Variants in XRCC6 observed in about 807,000 individuals in gnomAD.
XRCC6 encodes X-ray repair cross complementing 6, also known as DNA repair protein Ku70.
A neutral mutation model predicts 65.7 loss-of-function variants in XRCC6; 5 were observed. The ratio of observed to expected loss-of-function variants is 0.08; its 90% confidence interval spans 0.04 to 0.16. The LOEUF (loss-of-function observed/expected upper bound fraction) is 0.16. Among genes scored for constraint, XRCC6 ranks in the 10% least tolerant of loss-of-function variants. XRCC6 has a pLI of 1.00. For synonymous variants in XRCC6, 270 were observed against 270.6 expected (o/e 1.00, Z 0.02); for missense variants, 447 against 738.1 (o/e 0.61, Z 4.57).
At chr22:41,630,054 G>T (rs1365338131) in intron 3 of XRCC6, among the ~76,000 whole-genome samples, 1 of 149,242 alleles carries the variant, frequency 6.7e-6, no homozygotes, top group Non-Finnish European at 1.5e-5. Context: ...CACAATCTTG[G>T]CTCACTACAA....
intron 2 of XRCC6, among the ~76,000 whole-genome samples, chr22:41,626,194 G>C (rs997023124): frequency 6.6e-6 from 1 of 151,312 alleles, no homozygotes; most frequent in Non-Finnish European, 1.5e-5. Context: ...GCAGGCTGGA[G>C]TGCAGTGGCG....
At chr22:41,626,886 C>T (rs113547082) in intron 2 of XRCC6, among the ~76,000 whole-genome samples, 11 of 151,054 alleles carry the variant, frequency 7.3e-5, no homozygotes, top group South Asian at 4.2e-4. Context: ...GTGATCCGCG[C>T]GCCTCGGCCT....
rs578172023 is a variant in XRCC6 at position 41,657,615 on chromosome 22, G to C, written c.1421+583G>C. Among the ~76,000 whole-genome samples the C allele has an allele frequency of 2.0e-5, 3 of 151,118 alleles. No homozygotes were observed. In the Admixed American group the frequency reaches 2.0e-4, roughly 10 times the overall value. On this transcript the variant is annotated intron_variant, in intron 10 of 12. Transcript: ENST00000360079. ...TTCACTGCAGCCTTGACCTCCCTGG[G>C]CTCAGGTGATTCTCCCACCTCAGAC...
intron 12 of XRCC6, among the ~76,000 whole-genome samples, chr22:41,662,909 C>T (rs1431720988): frequency 3.3e-5 from 5 of 152,044 alleles, no homozygotes; most frequent in Admixed American, 6.6e-5. Flanking sequence ...AGTGAAACCT[C>T]GTCTGTACTA....
At chr22:41,652,748 T>C (rs903218520) in intron 8 of XRCC6, among the ~76,000 whole-genome samples, 4 of 152,128 alleles carry the variant, frequency 2.6e-5, no homozygotes, top group Non-Finnish European at 5.9e-5. Context: ...GTCTCTGCTC[T>C]CTGCAAGCTC....
chr22:41,637,748 C>T lies in XRCC6; in HGVS notation c.730C>T (p.Arg244Trp). 3.7e-6 allele frequency: 6 copies of T among 1,613,940 alleles called. No individual in the cohort carries two copies. The highest frequency in any genetic ancestry group is 5.1e-6 in the Non-Finnish European group (6 of 1,179,986). ...ATCCAGCAAGCTAGAAGACCTGTTG[C>T]GGAAGGTTCGCGCCAAGGAGACCAG... ...EESSKLEDLL[R>W]KVRAKETRKR... is the part of the protein sequence containing the mutation. Residue 244 changes from arginine to tryptophan, a missense_variant, in exon 6 of 13, where the codon CGG becomes TGG. Coordinates refer to ENST00000360079, the MANE Select transcript of XRCC6 (RefSeq NM_001469.5).
chr22:41,660,777 CCT>C (rs2068092357), intron 11 of XRCC6, among the ~76,000 whole-genome samples: 1 of 152,216 alleles, frequency 6.6e-6, no homozygotes, highest in African/African-American at 2.4e-5. Flanking sequence ...TTATCCACCT[CCT>C]CTCTCTCACT....
chr22:41,660,516 G>A (rs769011863), intron 11 of XRCC6, among the ~76,000 whole-genome samples: 1 of 152,060 alleles, frequency 6.6e-6, no homozygotes, highest in Non-Finnish European at 1.5e-5. Flanking sequence ...CCTCCATGCA[G>A]CTATCAGGGG....
intron 2 of XRCC6, among the ~76,000 whole-genome samples, chr22:41,625,332 T>C (rs1407074299): frequency 6.6e-6 from 1 of 152,072 alleles, no homozygotes; most frequent in East Asian, 1.9e-4. Context: ...TTAAACTTAT[T>C]AAGAAGCAGC....
intron 6 of XRCC6, among the ~76,000 whole-genome samples, chr22:41,646,662 A>G (rs1311094177): frequency 2.0e-5 from 3 of 152,208 alleles, no homozygotes; most frequent in Admixed American, 1.3e-4. Context: ...GCAAAGGGAT[A>G]CGCAACCTGT....
chr22:41,621,875 C>A, intron 1 of XRCC6, 115 bp from the exon 2 acceptor site: 2 of 960,246 alleles, frequency 2.1e-6, no homozygotes, highest in Non-Finnish European at 3.2e-6. Context: ...CAGGATTTAC[C>A]GTCCACATTC....
intron 2 of XRCC6, among the ~76,000 whole-genome samples, chr22:41,625,041 C>T: frequency 6.6e-6 from 1 of 152,162 alleles, no homozygotes; most frequent in East Asian, 1.9e-4. Context: ...CACGGTGGCT[C>T]ATGCCTGTAA....
intron 3 of XRCC6, among the ~76,000 whole-genome samples, chr22:41,632,894 C>T (rs1355313543): frequency 3.3e-5 from 5 of 151,150 alleles, no homozygotes; most frequent in East Asian, 1.9e-4. Flanking sequence ...TTTGGGAGGC[C>T]GAGGTGGGCG....
At chr22:41,636,881 G>T in intron 5 of XRCC6, 111 bp downstream of exon 5, 1 of 1,390,684 alleles carries the variant, frequency 7.2e-7, no homozygotes. Flanking sequence ...CCAAGTAGCT[G>T]GGACTATAAG....
intron 6 of XRCC6, among the ~76,000 whole-genome samples, chr22:41,640,210 G>T (rs539579683): frequency 5.9e-5 from 9 of 151,622 alleles, no homozygotes; most frequent in South Asian, 4.2e-4. Context: ...GTGCAGTGGC[G>T]TGATCTCAGC....
intron 12 of XRCC6, 129 bp from the exon 13 acceptor site, chr22:41,663,493 G>A: frequency 9.7e-7 from 1 of 1,028,282 alleles, no homozygotes; most frequent in Non-Finnish European, 1.4e-6. Flanking sequence ...TCCCCATGGT[G>A]TCCTAGGCTG....
chr22:41,640,012 T>G (rs916416178), intron 6 of XRCC6, among the ~76,000 whole-genome samples: 4 of 151,932 alleles, frequency 2.6e-5, no homozygotes, highest in African/African-American at 9.7e-5. Flanking sequence ...GGTTACTCAT[T>G]GTTTCTTCCT....
chr22:41,662,793 C>G (rs1208825793), intron 12 of XRCC6, among the ~76,000 whole-genome samples: 29 of 152,028 alleles, frequency 1.9e-4, no homozygotes. Context: ...TAAAATGATA[C>G]AGAAGTTGGC....
intron 3 of XRCC6, among the ~76,000 whole-genome samples, chr22:41,635,002 C>G (rs1452849899): frequency 6.6e-6 from 1 of 152,162 alleles, no homozygotes; most frequent in Non-Finnish European, 1.5e-5. Context: ...GACTTATTTT[C>G]AGGTCACATG....
Sources: gnomAD v4.1 joint callset for allele counts (sites outside exome capture counted in the v4.1 genomes callset) on GRCh38, gnomAD v4.1.1 for gene constraint, MANE v1.5 for transcripts, NCBI Gene and HGNC (gene_info 2026-07-23, HGNC 2026-07-21) for gene names.